ZNF701: variants seen among roughly 807,000 people sequenced by gnomAD.
ZNF701 encodes the protein zinc finger protein 701.
Under a neutral mutation model 7.1 loss-of-function variants are expected in ZNF701, and 6 were observed. The ratio of observed to expected loss-of-function variants is 0.84; its 90% CI spans 0.46 to 1.66. ZNF701 has a LOEUF of 1.66. Among genes scored for constraint, ZNF701 ranks in the 40% most tolerant of loss-of-function variants. The pLI is 0.01. For missense variants in ZNF701, 541 were observed against 559.2 expected, an observed-to-expected ratio of 0.97 and a Z score of 0.33; for synonymous variants, 166 against 188.2, an observed-to-expected ratio of 0.88 and a Z score of 0.97.
downstream of ZNF701, among the ~76,000 whole-genome samples, chr19:52,589,966 A>G (rs957721112): frequency 4.0e-5 from 6 of 151,894 alleles, no homozygotes; most frequent in African/African-American, 1.5e-4. Flanking sequence ...CCTAATTGTT[A>G]TATTTTTCAT....
chr19:52,571,661 C>G (rs753839422), intron 1 of ZNF701, among the ~76,000 whole-genome samples: 1 of 151,958 alleles, frequency 6.6e-6, no homozygotes. Flanking sequence ...CACCTGGCCA[C>G]CCAAGCATTC....
chr19:52,597,227 T>C, the ZNF701 span: 1 of 552,514 alleles, frequency 1.8e-6, no homozygotes, highest in Non-Finnish European at 3.6e-6. Flanking sequence ...ATGCAAAACA[T>C]AGGAGAATTC....
Position 52,583,730 on chromosome 19 carries a change from CT to C in ZNF701, c.*276del. 1.4e-6 allele frequency: 1 copy of C among 738,940 alleles called. No homozygotes were observed. The highest frequency in any genetic ancestry group is 2.1e-5 in the Admixed American group (1 of 48,696). The allele number at this position is 738,940 out of a possible 1,614,324, so 45.8% of individuals were successfully genotyped here. On this transcript the variant is annotated 3_prime_UTR_variant, in exon 4 of 4. Transcript: ENST00000391785. ...ACAAGTGTAATGAGTGTGGCAGAGC[CT>C]TTGGTGGTCAGTCAACACTTACTCA...
intron 2 of ZNF701, 71 bp from the exon 3 acceptor site, chr19:52,575,821 TCTC>T: frequency 6.0e-6 from 6 of 1,007,652 alleles, no homozygotes; most frequent in Non-Finnish European, 8.4e-6. Flanking sequence ...TGCTTTCCCC[TCTC>T]CTCTTCTCAT....
At chr19:52,590,925 C>T (rs1386683113), downstream of ZNF701, among the ~76,000 whole-genome samples, 2 of 151,918 alleles carry the variant, frequency 1.3e-5, no homozygotes, top group African/African-American at 4.8e-5. Context: ...CTTCAACCTC[C>T]ACCTCCTGAT....
rs564056315 is a variant in ZNF701 at position 52,578,232 on chromosome 19, C to T, written c.142+2211C>T. On this transcript the variant is annotated intron_variant, in intron 3 of 3. Transcript: ENST00000391785. ...TCGCACCACTGCACTCCAGCCTGGGCGACAGAGTGAGACTCCGTCTCAAAA... is the reference window on the plus strand; with the variant it reads ...TCGCACCACTGCACTCCAGCCTGGGTGACAGAGTGAGACTCCGTCTCAAAA... 1.1e-3 allele frequency among the ~76,000 whole-genome samples: 130 copies of T among 118,246 alleles called. 1 individual carries two copies. Among genetic ancestry groups the T allele is most frequent in the Middle Eastern group, 6.9e-3 (1 of 144 alleles). The allele number at this position is 118,246 out of a possible 152,430, so 77.6% of individuals were successfully genotyped here.
At chr19:52,577,655 G>C (rs1041777393) in intron 3 of ZNF701, among the ~76,000 whole-genome samples, 3 of 152,076 alleles carry the variant, frequency 2.0e-5, no homozygotes, top group African/African-American at 7.2e-5. Context: ...CGCTTGAGGG[G>C]TCCTTGGTCA....
chr19:52,597,302 C>T, the ZNF701 span: 5 of 543,324 alleles, frequency 9.2e-6, no homozygotes, highest in African/African-American at 7.7e-5. Flanking sequence ...GTTCACACCT[C>T]ATTAGACATC....
chr19:52,571,229 AGAGT>A (rs968703944), intron 1 of ZNF701, among the ~76,000 whole-genome samples: 2 of 136,752 alleles, frequency 1.5e-5, no homozygotes, highest in African/African-American at 5.3e-5. Context: ...GAGGCTCATC[AGAGT>A]GAGAGAGAGA....
At chr19:52,598,064 C>G in the ZNF701 span, 2 of 152,268 alleles carry the variant, frequency 1.3e-5, no homozygotes, top group African/African-American at 4.8e-5. Flanking sequence ...CCTGCCTCAG[C>G]CTCCCGAGTA....
At chr19:52,595,534 T>C in the ZNF701 span, 481 of 546,232 alleles carry the variant, frequency 8.8e-4, 4 homozygotes, top group African/African-American at 8.6e-3. Flanking sequence ...CCTCCCAAAG[T>C]GCTGGGACTA....
downstream of ZNF701, among the ~76,000 whole-genome samples, chr19:52,588,146 T>G (rs1012946270): frequency 2.6e-5 from 4 of 151,422 alleles, no homozygotes; most frequent in South Asian, 8.4e-4. Flanking sequence ...TGGTGAGGTC[T>G]CCCCTGTGTG....
chr19:52,572,412 C>A (rs2059907148), intron 1 of ZNF701: 1 of 1,279,596 alleles, frequency 7.8e-7, no homozygotes. Context: ...ATAAATGTTA[C>A]TGTAATTTTC....
chr19:52,575,990 G>A lies in ZNF701; in HGVS notation c.111G>A (p.Met37Ile). Residue 37 changes from methionine to isoleucine, a missense_variant, in exon 3 of 4, where the codon ATG becomes ATA. Transcript: ENST00000391785. ...PAQRTLYRDV[M>I]LENYRNLVSL... ...AGAGGACTCTATACAGAGACGTGAT[G>A]CTGGAGAATTATAGGAACCTGGTCT... 6.3e-7 allele frequency: 1 copy of A among 1,586,346 alleles called. No individual in the cohort carries two copies.
chr19:52,599,086 G>A, the ZNF701 span, among the ~76,000 whole-genome samples: 7 of 151,510 alleles, frequency 4.6e-5, no homozygotes, highest in African/African-American at 1.7e-4. Flanking sequence ...TTGAGTGCAA[G>A]CCACGATCTC....
intron 2 of ZNF701, 149 bp downstream of exon 2, chr19:52,574,311 A>T (rs752356398): frequency 1.4e-6 from 2 of 1,384,522 alleles, no homozygotes; most frequent in Non-Finnish European, 2.0e-6. Context: ...CTGTCATCTC[A>T]CTTAGATTCC....
intron 3 of ZNF701, 76 bp downstream of exon 3, chr19:52,576,097 G>A: frequency 6.2e-7 from 1 of 1,606,334 alleles, no homozygotes; most frequent in Non-Finnish European, 8.5e-7. Flanking sequence ...CCTCTTGGGA[G>A]CCACATCCTT....
At chr19:52,572,440 A>C in intron 1 of ZNF701, 1 of 1,267,038 alleles carries the variant, frequency 7.9e-7, no homozygotes, top group South Asian at 1.3e-5. Context: ...GAAGAATTAA[A>C]TGTTGGGAAT....
rs2059990873 is a variant in ZNF701 at position 52,583,543 on chromosome 19, T to G, written c.*86T>G. On this transcript the variant is annotated 3_prime_UTR_variant, in exon 4 of 4. Coordinates refer to ENST00000391785, the MANE Select transcript of ZNF701 (RefSeq NM_018260.3). ...ATACTGGAGAGAAACCTTACAAATG[T>G]GAAGAATGTGACAAAAGTTTTCAAT... The G allele has an allele frequency of 6.3e-7, 1 of 1,591,172 alleles. No homozygotes were observed. The highest frequency in any genetic ancestry group is 1.3e-5 in the African/African-American group (1 of 74,426).
Sources: allele counts gnomAD v4.1 joint callset (sites outside exome capture counted in the v4.1 genomes callset), GRCh38; gene constraint gnomAD v4.1.1; transcripts MANE v1.5; gene names NCBI Gene and HGNC (gene_info 2026-07-23, HGNC 2026-07-21).